CMYA5: variants seen among roughly 807,000 people sequenced by gnomAD.
CMYA5 encodes cardiomyopathy associated 5.
Under a neutral mutation model 318.9 loss-of-function variants are expected in CMYA5, and 246 were observed. The ratio of observed to expected loss-of-function variants is 0.77; its 90% CI spans 0.70 to 0.86. The LOEUF is 0.86. Among genes scored for constraint, CMYA5 ranks in the 40% least tolerant of loss-of-function variants. The pLI is 0.00. For missense variants in CMYA5, 4,589 were observed against 4,678.2 expected, an observed-to-expected ratio of 0.98 and a Z score of 0.56; for synonymous variants, 1,641 against 1,729.5, an observed-to-expected ratio of 0.95 and a Z score of 1.27.
chr5:79,766,358 C>T lies in CMYA5; in HGVS notation c.11555+3149C>T, dbSNP rs370995239. Reference sequence around the variant, plus strand: ...CCTTGTGCTCCGACCTCCTTGGTCTCCCAAATGCTGGGATTACAAGGGTGA... The same window carrying T: ...CCTTGTGCTCCGACCTCCTTGGTCTTCCAAATGCTGGGATTACAAGGGTGA... On this transcript the variant is annotated intron_variant, in intron 9 of 12. Transcript: ENST00000446378. 2.6e-4 allele frequency among the ~76,000 whole-genome samples: 40 copies of T among 152,334 alleles called. No homozygotes were observed. The East Asian group carries it at 6.4e-3, about 24-fold the overall frequency.
Position 79,742,630 on chromosome 5 carries a change from C to T in CMYA5, c.10639-1197C>T, listed in dbSNP as rs183792878. 2.8e-4 allele frequency among the ~76,000 whole-genome samples: 43 copies of T among 152,306 alleles called. No homozygotes were observed. The East Asian group carries it at 8.3e-3, about 29-fold the overall frequency. On this transcript the variant is annotated intron_variant, in intron 2 of 12. Coordinates refer to ENST00000446378, the MANE Select transcript of CMYA5 (RefSeq NM_153610.5). ...CACCCAAGTCCTTGTGTCTCCTCCCCAGTCCATCCCCATCATGTGCTTATC... is the reference window on the plus strand; with the variant it reads ...CACCCAAGTCCTTGTGTCTCCTCCCTAGTCCATCCCCATCATGTGCTTATC...
chr5:79,757,125 G>T (rs934078337), intron 6 of CMYA5, among the ~76,000 whole-genome samples: 1 of 151,050 alleles, frequency 6.6e-6, no homozygotes. Context: ...AACCCAGGAG[G>T]TGGAGGTTGC....
rs1829273873 is a variant in CMYA5 at position 79,796,307 on chromosome 5, A to C, written c.11963+2697A>C. On this transcript the variant is annotated intron_variant, in intron 12 of 12. Coordinates refer to ENST00000446378, the MANE Select transcript of CMYA5 (RefSeq NM_153610.5). Reference sequence around the variant, plus strand: ...GGTAGGACTGAAAAACTGAATTTTAAATTTTGTTTAACTTTAATTTTTTTT... The same window carrying C: ...GGTAGGACTGAAAAACTGAATTTTACATTTTGTTTAACTTTAATTTTTTTT... 2.0e-5 allele frequency among the ~76,000 whole-genome samples: 3 copies of C among 150,164 alleles called. No homozygotes were observed. The South Asian group carries it at 6.3e-4, about 32-fold the overall frequency.
rs1410068183 is a variant in CMYA5 at position 79,734,348 on chromosome 5, GC to G, written c.5585del (p.Pro1862LeufsTer9). On this transcript the variant is annotated frameshift_variant, in exon 2 of 13. Transcript: ENST00000446378. LOFTEE classifies it high-confidence loss of function. ...AGTTTTCACTTATGAGAGAGAATTT[GC>G]CTTTGGAACAATCAAAATCATTTAT... ...KQFSLMRENL[P>X]LEQSKSFMTT... 1 of 1,613,748 alleles carries G rather than the reference GC, an allele frequency of 6.2e-7. No homozygotes were observed. Among genetic ancestry groups the G allele is most frequent in the African/African-American group, 1.3e-5 (1 of 74,920 alleles).
At chr5:79,765,687 C>A (rs1580795534) in intron 9 of CMYA5, among the ~76,000 whole-genome samples, 1 of 152,112 alleles carries the variant, frequency 6.6e-6, no homozygotes, top group African/African-American at 2.4e-5. Flanking sequence ...TGTAGTTCTC[C>A]TTGAAGAGGT....
Position 79,734,665 on chromosome 5 carries a change from C to T in CMYA5, c.5900C>T (p.Thr1967Ile), listed in dbSNP as rs756612806. Reference protein sequence around the residue: ...SSQEAVSALDTSSGNTETLSS... With the variant: ...SSQEAVSALDISSGNTETLSS... ...CAAGAAGCAGTATCTGCTCTTGATACTTCCAGTGGTAATACAGAGACCTTA... is the reference window on the plus strand; with the variant it reads ...CAAGAAGCAGTATCTGCTCTTGATATTTCCAGTGGTAATACAGAGACCTTA... Residue 1967 changes from threonine (T) to isoleucine (I), a missense_variant, in exon 2 of 13, where the codon ACT becomes ATT. Around this residue, in one of 3 missense-constraint regions of CMYA5, gnomAD observed 2,431 missense variants for 2,495.1 expected, o/e 0.97. Coordinates refer to ENST00000446378, the MANE Select transcript of CMYA5 (RefSeq NM_153610.5). 6.2e-7 allele frequency: 1 copy of T among 1,613,828 alleles called. No individual in the cohort carries two copies. The highest frequency in any genetic ancestry group is 8.5e-7 in the Non-Finnish European group (1 of 1,179,768).
At chr5:79,709,118 T>C (rs906425275) in intron 1 of CMYA5, among the ~76,000 whole-genome samples, 6 of 152,154 alleles carry the variant, frequency 3.9e-5, no homozygotes, top group African/African-American at 1.4e-4. Flanking sequence ...GCTCACATGG[T>C]ACCCAGTGTT....
intron 1 of CMYA5, among the ~76,000 whole-genome samples, chr5:79,722,545 C>T (rs371266376): frequency 7.8e-4 from 119 of 151,968 alleles, no homozygotes; most frequent in African/African-American, 2.7e-3. Context: ...GGCATGGCGG[C>T]GCATGCCTGT....
rs959492024 is a variant in CMYA5, at chr5:79,729,086, T to C, written c.321T>C (p.Cys107=). ...ASEESQTSGV[C]SREGSTVNSP... ...AAGAAAGTCAGACTTCTGGTGTGTG[T>C]AGTCGGGAAGGGTCAACTGTGAATT... Residue 107 remains cysteine, a synonymous_variant, in exon 2 of 13, where the codon TGT becomes TGC. Transcript: ENST00000446378. The C allele has an allele frequency of 1.2e-6, 2 of 1,613,808 alleles. No individual in the cohort carries two copies. Among genetic ancestry groups the C allele is most frequent in the Non-Finnish European group, 1.7e-6 (2 of 1,179,868 alleles).
rs146291128 is a variant in CMYA5, at chr5:79,752,776, A to G, written c.11092A>G (p.Met3698Val). 1.5e-4 allele frequency: 249 copies of G among 1,612,848 alleles called. No individual in the cohort carries two copies. The East Asian group carries it at 5.5e-3, about 36-fold the overall frequency. Reference sequence around the variant, plus strand: ...TGACAGCTCGGCAAGAAGTGACCAGATGTTAAAACAAGTGGCTGGTAAGCA... The same window carrying G: ...TGACAGCTCGGCAAGAAGTGACCAGGTGTTAAAACAAGTGGCTGGTAAGCA... ...YDDSSARSDQ[M>V]LKQVAVPQPP... The change falls in exon 6 of 13, where the codon ATG becomes GTG. Residue 3698 changes from methionine (M) to valine (V), a missense_variant. By Grantham distance (21) the Met-to-Val change is conservative (BLOSUM62 1). Coordinates refer to ENST00000446378, the MANE Select transcript of CMYA5 (RefSeq NM_153610.5).
At chr5:79,789,835 CTTG>C (rs1352968405) in intron 10 of CMYA5, among the ~76,000 whole-genome samples, 3 of 152,138 alleles carry the variant, frequency 2.0e-5, no homozygotes, top group African/African-American at 7.2e-5. Flanking sequence ...AGTTACCAGC[CTTG>C]TTCTGTTTAT....
chr5:79,711,608 A>G (rs1371681703), intron 1 of CMYA5, among the ~76,000 whole-genome samples: 1 of 152,224 alleles, frequency 6.6e-6, no homozygotes, highest in African/African-American at 2.4e-5. Context: ...ATATACCCTT[A>G]TAGATCATTG....
In CMYA5 at chr5:79,729,515, G is replaced by A. The variant is rs755008447; in HGVS notation, c.750G>A (p.Lys250=). 1.2e-6 allele frequency: 2 copies of A among 1,610,982 alleles called. No homozygotes were observed. The highest frequency in any genetic ancestry group is 1.7e-5 in the Admixed American group (1 of 59,762). Residue 250 remains lysine, a synonymous_variant, in exon 2 of 13, where the codon AAG becomes AAA. Transcript: ENST00000446378. The part of the protein sequence containing the change: ...IPLQFYGTLP[K]GYVIKEIHYR... ...TACAATTTTATGGAACATTGCCAAA[G>A]GGTTATGTAATTAAAGAAATACATT...
chr5:79,792,693 GTC>G (rs1209818323), intron 11 of CMYA5, among the ~76,000 whole-genome samples: 5 of 152,234 alleles, frequency 3.3e-5, no homozygotes, highest in Non-Finnish European at 7.3e-5. Context: ...CTTCCTTGCT[GTC>G]TCAGCCATTT....
In CMYA5 at chr5:79,733,557, G is replaced by A. The variant is rs1205488895; in HGVS notation, c.4792G>A (p.Val1598Ile). 7.4e-6 allele frequency: 12 copies of A among 1,613,766 alleles called. No individual in the cohort carries two copies. In the Admixed American group the frequency reaches 1.5e-4, roughly 20 times the overall value. Residue 1598 changes from valine to isoleucine, a missense_variant, in exon 2 of 13, where the codon GTA becomes ATA. Val to Ile is a conservative substitution (Grantham distance 29). Transcript: ENST00000446378. ...TGATAAGAACAAACCGGCAGTGGAG[G>A]TATCTTCTACAGCTCAGGGAGACTT... ...SDDKNKPAVE[V>I]SSTAQGDFPS...
Position 79,731,671 on chromosome 5 carries a change from A to T in CMYA5, c.2906A>T (p.Glu969Val), listed in dbSNP as rs139109943. 4.5e-5 allele frequency: 72 copies of T among 1,613,920 alleles called. 1 individual carries two copies. The African/African-American group carries it at 6.4e-4, about 14-fold the overall frequency. Residue 969 changes from glutamate to valine, a missense_variant, in exon 2 of 13, where the codon GAA (glutamate) becomes GTA (valine). Transcript: ENST00000446378. ...GCAACCCAGGAAGCAGAGAAAAGAG[A>T]ATTTGAGTGCGATTCTCCAATATGT... ...PYATQEAEKR[E>V]FECDSPICLT...
intron 5 of CMYA5, among the ~76,000 whole-genome samples, chr5:79,748,460 G>A (rs188489191): frequency 6.6e-6 from 1 of 152,202 alleles, no homozygotes; most frequent in Admixed American, 6.5e-5. Context: ...CACCAATCAG[G>A]TCTAGAAACT....
chr5:79,731,663 G>C lies in CMYA5; in HGVS notation c.2898G>C (p.Glu966Asp). 1 of 1,613,960 alleles carries C rather than the reference G, an allele frequency of 6.2e-7. No individual in the cohort carries two copies. Among genetic ancestry groups the C allele is most frequent in the Non-Finnish European group, 8.5e-7 (1 of 1,179,874 alleles). Residue 966 changes from glutamate (E) to aspartate (D), a missense_variant, in exon 2 of 13, where the codon GAG (glutamate) becomes GAC (aspartate). Glu to Asp is a conservative substitution (Grantham distance 45). Transcript: ENST00000446378. ...CACCGTATGCAACCCAGGAAGCAGAGAAAAGAGAATTTGAGTGCGATTCTC... is the reference window on the plus strand; with the variant it reads ...CACCGTATGCAACCCAGGAAGCAGACAAAAGAGAATTTGAGTGCGATTCTC... ...SFPPYATQEA[E>D]KREFECDSPI...
chr5:79,734,007 T>A lies in CMYA5; in HGVS notation c.5242T>A (p.Leu1748Ile). ...AGAATTTCAGCCATTTACTTTTTCT[T>A]TAAAAGGATTATCAGAGGAGGTTAG... is the stretch of plus-strand genomic sequence containing the variant. ...PEEFQPFTFS[L>I]KGLSEEVSHP... Residue 1748 changes from leucine (L) to isoleucine (I), a missense_variant, in exon 2 of 13, where the codon TTA becomes ATA. By Grantham distance (5) the Leu-to-Ile change is conservative (BLOSUM62 2). Around this residue, in one of 3 missense-constraint regions of CMYA5, gnomAD observed 2,132 missense variants for 2,131.3 expected, o/e 1.00. Transcript: ENST00000446378. 1 of 1,613,652 alleles carries A rather than the reference T, an allele frequency of 6.2e-7. No homozygotes were observed. The highest frequency in any genetic ancestry group is 8.5e-7 in the Non-Finnish European group (1 of 1,179,824).
Sources: gnomAD v4.1 joint callset for allele counts (sites outside exome capture counted in the v4.1 genomes callset) on GRCh38, gnomAD v4.1.1 for gene constraint, gnomAD v4.1.1 regional missense constraint, MANE v1.5 for transcripts, NCBI Gene and HGNC (gene_info 2026-07-23, HGNC 2026-07-21) for gene names.